Variants in PCSK2 observed in about 807,000 individuals in gnomAD.
PCSK2 encodes the protein proprotein convertase subtilisin/kexin type 2.
In PCSK2, 14 loss-of-function variants were observed where a neutral mutation model predicts 69.7. That is an observed-to-expected ratio of 0.20 (90% confidence interval 0.13 to 0.31). The LOEUF (loss-of-function observed/expected upper bound fraction) is 0.31, where lower values mean the gene tolerates loss of function less well. Among genes scored for constraint, PCSK2 ranks in the 10% least tolerant of loss-of-function variants. PCSK2 has a pLI of 1.00. For missense variants in PCSK2, 544 were observed against 842.5 expected, an observed-to-expected ratio of 0.65 and a Z score of 4.39; for synonymous variants, 307 against 320.7, an observed-to-expected ratio of 0.96 and a Z score of 0.46.
intron 2 of PCSK2, among the ~76,000 whole-genome samples, chr20:17,339,624 A>C (rs1333212416): frequency 6.6e-6 from 1 of 152,122 alleles, no homozygotes; most frequent in Non-Finnish European, 1.5e-5. Flanking sequence ...GCCTAGAGTG[A>C]AGTGAGCCTT....
chr20:17,262,804 C>A (rs1162213018), intron 2 of PCSK2, among the ~76,000 whole-genome samples: 1 of 152,146 alleles, frequency 6.6e-6, no homozygotes, highest in East Asian at 1.9e-4. Context: ...AGAAGGAGGT[C>A]CAGGCTTTTA....
At chr20:17,291,802 A>G (rs1235921424) in intron 2 of PCSK2, among the ~76,000 whole-genome samples, 2 of 152,166 alleles carry the variant, frequency 1.3e-5, no homozygotes, top group Non-Finnish European at 2.9e-5. Flanking sequence ...TATAGAGCTG[A>G]TATGAGAGCT....
chr20:17,478,994 T>G, intron 11 of PCSK2: 1 of 750,516 alleles, frequency 1.3e-6, no homozygotes. Flanking sequence ...ATTGCACACT[T>G]GTCATCTAGC....
chr20:17,337,678 A>G (rs1173668167), intron 2 of PCSK2, among the ~76,000 whole-genome samples: 2 of 152,032 alleles, frequency 1.3e-5, no homozygotes, highest in Non-Finnish European at 2.9e-5. Flanking sequence ...GTATCACAAC[A>G]TTTTGGGAGT....
At chr20:17,479,219 G>C in intron 11 of PCSK2, 1 of 1,353,114 alleles carries the variant, frequency 7.4e-7, no homozygotes. Context: ...CGCTCTTCTG[G>C]ACCACTGCAC....
chr20:17,442,940 G>A (rs2032627079), intron 8 of PCSK2, among the ~76,000 whole-genome samples: 1 of 150,942 alleles, frequency 6.6e-6, no homozygotes, highest in African/African-American at 2.5e-5. Flanking sequence ...TTCCCTTTGC[G>A]AAGTGGAAAA....
intron 11 of PCSK2, among the ~76,000 whole-genome samples, chr20:17,472,092 C>T (rs1037988545): frequency 6.6e-6 from 1 of 152,198 alleles, no homozygotes; most frequent in Non-Finnish European, 1.5e-5. Flanking sequence ...ACCAGCTGCA[C>T]CAGCTGTGTG....
At chr20:17,414,362 G>A (rs79020748) in intron 6 of PCSK2, among the ~76,000 whole-genome samples, 11,319 of 152,122 alleles carry the variant, frequency 0.074, 520 homozygotes, top group Non-Finnish European at 0.11. Flanking sequence ...TATCACCACC[G>A]ATCCCACAGA....
intron 2 of PCSK2, among the ~76,000 whole-genome samples, chr20:17,312,212 C>T (rs189531351): frequency 6.6e-6 from 1 of 152,256 alleles, no homozygotes; most frequent in Non-Finnish European, 1.5e-5. Flanking sequence ...GCATAGTCTT[C>T]CTGCCAAGCC....
At chr20:17,358,206 G>A (rs1243584596) in intron 2 of PCSK2, 121 bp from the exon 3 acceptor site, 5 of 637,094 alleles carry the variant, frequency 7.8e-6, no homozygotes, top group South Asian at 1.9e-5. Context: ...AGATGAACTT[G>A]CTTTTGCCAA....
intron 2 of PCSK2, among the ~76,000 whole-genome samples, chr20:17,284,575 T>C (rs888629330): frequency 2.6e-5 from 4 of 152,154 alleles, no homozygotes; most frequent in Non-Finnish European, 5.9e-5. Flanking sequence ...AACACTTAAT[T>C]CCATAAAATA....
At chr20:17,343,027 A>G (rs1990551769) in intron 2 of PCSK2, among the ~76,000 whole-genome samples, 1 of 152,162 alleles carries the variant, frequency 6.6e-6, no homozygotes, top group African/African-American at 2.4e-5. Flanking sequence ...GAGAAAACAA[A>G]TGTACAGAAA....
rs955951135 is a variant in PCSK2 at position 17,474,750 on chromosome 20, G to C, written c.1431-6834G>C. On this transcript the variant is annotated intron_variant, in intron 11 of 11. Coordinates refer to ENST00000262545, the MANE Select transcript of PCSK2 (RefSeq NM_002594.5). ...TGGGACTCAAATTCCAGGCTCCTCT[G>C]CCATGCCCTTAATGTCAAAGTGGTC... 3.9e-5 allele frequency among the ~76,000 whole-genome samples: 6 copies of C among 152,156 alleles called. No homozygotes were observed. In the South Asian group the frequency reaches 1.3e-3, roughly 32 times the overall value.
chr20:17,247,193 TCAAATGAGCTTCCCTTTCTCTCC>T (rs1424404400), intron 1 of PCSK2, among the ~76,000 whole-genome samples: 1 of 152,160 alleles, frequency 6.6e-6, no homozygotes, highest in African/African-American at 2.4e-5. Flanking sequence ...AGACCTAAAT[TCAAATGAGCTTCCCTTTCTCTCC>T]CATCCCTACT....
chr20:17,391,411 T>G (rs987753516), intron 5 of PCSK2, among the ~76,000 whole-genome samples: 17 of 152,158 alleles, frequency 1.1e-4, no homozygotes, highest in African/African-American at 4.1e-4. Context: ...AAAAAACTCA[T>G]CAATGAGATT....
At chr20:17,260,144 C>G in intron 1 of PCSK2, 96 bp from the exon 2 acceptor site, 1 of 765,992 alleles carries the variant, frequency 1.3e-6, no homozygotes, top group Non-Finnish European at 2.4e-6. Context: ...CTTCCCTACC[C>G]CATGGAGCCC....
At chr20:17,295,520 TTTATATATATTTATTTATTTATA>T (rs1255092926) in intron 2 of PCSK2, among the ~76,000 whole-genome samples, 2 of 142,098 alleles carry the variant, frequency 1.4e-5, no homozygotes, top group African/African-American at 2.5e-5. Context: ...TATATTTATT[TTTATATATATTTATTTATTTATA>T]TTATATATAT....
At position 17,414,252 on chromosome 20, in the gene PCSK2, T is replaced by C. The variant is rs183981485; in HGVS notation, c.620+4913T>C. 1.3e-5 allele frequency among the ~76,000 whole-genome samples: 2 copies of C among 152,276 alleles called. 1 individual carries two copies. The highest frequency in any genetic ancestry group is 3.9e-4 in the East Asian group (2 of 5,184). ...AAAATCGATGAATCCAGGAGCTGGT[T>C]TTTTGAAAAGATCAACAAAAGTGAT... On this transcript the variant is annotated intron_variant, in intron 6 of 11. Transcript: ENST00000262545.
Position 17,436,869 on chromosome 20 carries a change from G to A in PCSK2, c.871G>A (p.Asp291Asn), listed in dbSNP as rs540431424. The change falls in exon 8 of 12, where the codon GAT becomes AAT. Residue 291 changes from aspartate to asparagine, a missense_variant. Asp to Asn is a conservative substitution (Grantham distance 23). This residue lies in a region of PCSK2 where 187 missense variants were observed against 399.8 expected (regional missense o/e 0.47). Transcript: ENST00000262545. ...PRELTLQAMA[D>N]GVNKGRGGKG... ...GGAGCTCACGCTGCAGGCCATGGCC[G>A]ATGGCGTGAACAAGGTAAGGGGGCC... 36 of 1,610,840 alleles carry A rather than the reference G, an allele frequency of 2.2e-5. No homozygotes were observed. The highest frequency in any genetic ancestry group is 1.2e-4 in the South Asian group (11 of 90,704).
Sources: allele counts gnomAD v4.1 joint callset (sites outside exome capture counted in the v4.1 genomes callset), GRCh38; gene constraint gnomAD v4.1.1; regional missense constraint gnomAD v4.1.1; transcripts MANE v1.5; gene names NCBI Gene and HGNC (gene_info 2026-07-23, HGNC 2026-07-21).